Variants in ZFAND3 observed in about 807,000 individuals in gnomAD.
ZFAND3 encodes AN1-type zinc finger protein 3.
Under a neutral mutation model 29.6 loss-of-function variants are expected in ZFAND3, and 10 were observed. The ratio of observed to expected loss-of-function variants is 0.34; its 90% CI spans 0.21 to 0.57. The LOEUF is 0.57. Ranked by LOEUF, ZFAND3 falls within the 20% of genes least tolerant of loss-of-function variation. The pLI, the probability that ZFAND3 is intolerant of heterozygous loss-of-function variation, is 0.86. For missense variants in ZFAND3, 230 were observed against 304.5 expected (o/e 0.76, Z 1.82); for synonymous variants, 128 against 112.6 (o/e 1.14, Z -0.87).
chr6:37,969,730 T>G (rs1762354584), intron 2 of ZFAND3, among the ~76,000 whole-genome samples: 1 of 152,224 alleles, frequency 6.6e-6, no homozygotes, highest in African/African-American at 2.4e-5. Context: ...GGGAGGGGAC[T>G]TGCTTCAGTA....
chr6:38,097,248 C>CCT (rs1491155525), intron 4 of ZFAND3, among the ~76,000 whole-genome samples: 1 of 124,050 alleles, frequency 8.1e-6, no homozygotes, highest in African/African-American at 3.0e-5. Flanking sequence ...GTTAATTTTT[C>CCT]ATTTTTTTTT....
At chr6:38,095,239 G>T (rs1408054073) in intron 4 of ZFAND3, among the ~76,000 whole-genome samples, 1 of 152,112 alleles carries the variant, frequency 6.6e-6, no homozygotes, top group Non-Finnish European at 1.5e-5. Context: ...ACTTTTCAGG[G>T]CTAGCATCTG....
At chr6:38,063,882 G>A (rs1764290947) in intron 3 of ZFAND3, among the ~76,000 whole-genome samples, 1 of 151,924 alleles carries the variant, frequency 6.6e-6, no homozygotes, top group Non-Finnish European at 1.5e-5. Flanking sequence ...GAATAACATT[G>A]CAAAGAAAGA....
chr6:37,841,644 G>A (rs1764077953), intron 1 of ZFAND3, among the ~76,000 whole-genome samples: 1 of 151,960 alleles, frequency 6.6e-6, no homozygotes, highest in Non-Finnish European at 1.5e-5. Flanking sequence ...CACCATGCCC[G>A]GCTAATTTTT....
intron 1 of ZFAND3, among the ~76,000 whole-genome samples, chr6:37,861,385 T>G (rs997358712): frequency 5.9e-5 from 9 of 152,176 alleles, no homozygotes; most frequent in African/African-American, 2.2e-4. Flanking sequence ...GAAGAAATGA[T>G]GTGGTCTAGG....
intron 3 of ZFAND3, among the ~76,000 whole-genome samples, chr6:38,066,104 G>C (rs967643747): frequency 2.0e-5 from 3 of 152,176 alleles, no homozygotes; most frequent in African/African-American, 7.2e-5. Context: ...AGCTTTTTCA[G>C]GTCAGCTTTG....
chr6:37,988,876 T>G (rs1762713128), intron 2 of ZFAND3, among the ~76,000 whole-genome samples: 1 of 152,060 alleles, frequency 6.6e-6, no homozygotes, highest in African/African-American at 2.4e-5. Context: ...TTTTTAAGGG[T>G]CTAGTTTTAT....
chr6:38,015,168 CTTAG>C (rs949726245), intron 2 of ZFAND3, among the ~76,000 whole-genome samples: 18 of 152,212 alleles, frequency 1.2e-4, no homozygotes, highest in African/African-American at 2.9e-4. Context: ...GCCCTGGATG[CTTAG>C]TTAGTTAACT....
chr6:37,916,652 C>T (rs755430938), intron 1 of ZFAND3, among the ~76,000 whole-genome samples: 2 of 152,130 alleles, frequency 1.3e-5, no homozygotes, highest in Non-Finnish European at 2.9e-5. Flanking sequence ...GAGCAAGACT[C>T]TGTCTCGAAA....
chr6:38,037,469 G>A (rs537718880), intron 2 of ZFAND3, among the ~76,000 whole-genome samples: 1 of 152,324 alleles, frequency 6.6e-6, no homozygotes, highest in South Asian at 2.1e-4. Flanking sequence ...CATTTCAGAG[G>A]TAGATGCGTA....
intron 1 of ZFAND3, among the ~76,000 whole-genome samples, chr6:37,914,704 T>C (rs1189927556): frequency 8.1e-6 from 1 of 123,998 alleles, no homozygotes; most frequent in Non-Finnish European, 1.7e-5. Flanking sequence ...GGTTTCGCTG[T>C]GTTAGCCAGG....
chr6:37,849,418 T>C (rs1412772324), intron 1 of ZFAND3, among the ~76,000 whole-genome samples: 1 of 152,198 alleles, frequency 6.6e-6, no homozygotes, highest in Non-Finnish European at 1.5e-5. Flanking sequence ...TTTCTTCTTA[T>C]TATTTTTGAG....
In ZFAND3 at chr6:38,153,075, A is replaced by G; in HGVS notation, c.*686A>G. ...AATTAGCTCCACTCAAGACTAGTCC[A>G]CGAACGAGACCCGCCTTTTCTACAC... On this transcript the variant is annotated 3_prime_UTR_variant, in exon 6 of 6. Transcript: ENST00000287218. 18 of 985,522 alleles carry G rather than the reference A, an allele frequency of 1.8e-5. No individual in the cohort carries two copies. The highest frequency in any genetic ancestry group is 2.2e-5 in the Non-Finnish European group (18 of 829,932). The allele number at this position is 985,522 out of a possible 1,614,324, so 61.0% of individuals were successfully genotyped here.
intron 4 of ZFAND3, among the ~76,000 whole-genome samples, chr6:38,108,552 G>A (rs1046221426): frequency 1.2e-4 from 19 of 152,204 alleles, no homozygotes; most frequent in Non-Finnish European, 2.5e-4. Flanking sequence ...GGAGTCTGAT[G>A]TCCAAGGGCA....
chr6:38,011,358 T>C (rs1763149450), intron 2 of ZFAND3, among the ~76,000 whole-genome samples: 1 of 152,198 alleles, frequency 6.6e-6, no homozygotes, highest in South Asian at 2.1e-4. Flanking sequence ...AGCTGTATGC[T>C]TAACTTTATA....
At chr6:37,973,937 G>C (rs1370070764) in intron 2 of ZFAND3, among the ~76,000 whole-genome samples, 1 of 152,194 alleles carries the variant, frequency 6.6e-6, no homozygotes, top group Admixed American at 6.5e-5. Context: ...CTATCTCAGA[G>C]AGACAGCTTT....
At chr6:38,031,040 A>T (rs1448097950) in intron 2 of ZFAND3, among the ~76,000 whole-genome samples, 1 of 152,194 alleles carries the variant, frequency 6.6e-6, no homozygotes, top group African/African-American at 2.4e-5. Flanking sequence ...TTAAATAAGA[A>T]TGTGATAGAT....
chr6:37,970,343 T>C (rs1036058558), intron 2 of ZFAND3, among the ~76,000 whole-genome samples: 3 of 152,138 alleles, frequency 2.0e-5, no homozygotes, highest in East Asian at 3.8e-4. Flanking sequence ...CTTGCAGTTT[T>C]TGAAAGTTTG....
At chr6:38,147,030 G>A (rs950217120) in intron 5 of ZFAND3, among the ~76,000 whole-genome samples, 5 of 152,128 alleles carry the variant, frequency 3.3e-5, no homozygotes, top group Non-Finnish European at 5.9e-5. Context: ...TCTGTCACCC[G>A]AGTGCAGTAC....
Sources: allele counts gnomAD v4.1 joint callset (sites outside exome capture counted in the v4.1 genomes callset), GRCh38; gene constraint gnomAD v4.1.1; transcripts MANE v1.5; gene names NCBI Gene and HGNC (gene_info 2026-07-23, HGNC 2026-07-21).